SLC9A3: variants seen among roughly 807,000 people sequenced by gnomAD.
The protein encoded by SLC9A3 is solute carrier family 9 member A3.
A neutral mutation model predicts 86.8 loss-of-function variants in SLC9A3; 37 were observed. That is an observed-to-expected ratio of 0.43 (90% CI 0.33 to 0.56). The LOEUF (loss-of-function observed/expected upper bound fraction) is 0.56. Ranked by LOEUF, SLC9A3 falls within the 20% of genes least tolerant of loss-of-function variation. The pLI, the probability that SLC9A3 is intolerant of heterozygous loss-of-function variation, is 0.06. For synonymous variants in SLC9A3, 581 were observed against 528.3 expected (o/e 1.10, Z -1.37); for missense variants, 1,011 against 1,171.9 (o/e 0.86, Z 2.00).
rs112336580 is a variant in SLC9A3 at position 518,963 on chromosome 5, T to C, written c.211+5149A>G. ...TTCCCTGCCCCGATGCTATCAGCAC[T>C]TCCCAACCTTTGCCCCTTTCCTCAG... On this transcript the variant is annotated intron_variant, in intron 1 of 16. Transcript: ENST00000264938. Among the ~76,000 whole-genome samples the C allele has an allele frequency of 9.2e-5, 14 of 152,270 alleles. 2 individuals are homozygous for C. The highest frequency in any genetic ancestry group is 3.4e-4 in the African/African-American group (14 of 41,546).
chr5:515,366 A>G (rs1733699368), intron 1 of SLC9A3, among the ~76,000 whole-genome samples: 1 of 151,552 alleles, frequency 6.6e-6, no homozygotes, highest in South Asian at 2.1e-4. Flanking sequence ...CCCCTTGGGC[A>G]CCCTGGCTGC....
chr5:521,522 T>G (rs528624306), intron 1 of SLC9A3, among the ~76,000 whole-genome samples: 10 of 152,360 alleles, frequency 6.6e-5, no homozygotes, highest in African/African-American at 2.2e-4. Flanking sequence ...AACAAATGTT[T>G]GGAAAAGCAA....
chr5:489,962 C>T (rs1225495244), intron 2 of SLC9A3, among the ~76,000 whole-genome samples: 1 of 152,246 alleles, frequency 6.6e-6, no homozygotes, highest in East Asian at 1.9e-4. Flanking sequence ...GGCCTGTCCC[C>T]ACACTGCCCG....
intron 1 of SLC9A3, among the ~76,000 whole-genome samples, chr5:516,864 G>A (rs946082648): frequency 6.6e-6 from 1 of 152,330 alleles, no homozygotes; most frequent in Middle Eastern, 3.4e-3. Context: ...TAGGTGTGCT[G>A]CTCACTGGAG....
chr5:499,687 C>T (rs1340334279), intron 1 of SLC9A3, among the ~76,000 whole-genome samples: 2 of 152,384 alleles, frequency 1.3e-5, no homozygotes, highest in Admixed American at 6.5e-5. Context: ...CAACCAGTCA[C>T]TCCTGCTCCC....
At chr5:475,218 G>T (rs940292973) in intron 15 of SLC9A3, 86 bp from the exon 16 acceptor site, 10 of 1,414,530 alleles carry the variant, frequency 7.1e-6, no homozygotes, top group Non-Finnish European at 9.5e-6. Flanking sequence ...CCTGCTGGGT[G>T]CCTTGGAAAG....
At chr5:494,229 G>A (rs371527410) in intron 1 of SLC9A3, among the ~76,000 whole-genome samples, 24 of 152,362 alleles carry the variant, frequency 1.6e-4, no homozygotes, top group African/African-American at 5.0e-4. Context: ...CCTCAGCAGC[G>A]CCCTCCCCAG....
chr5:514,515 G>C (rs1733668359), intron 1 of SLC9A3, among the ~76,000 whole-genome samples: 1 of 152,246 alleles, frequency 6.6e-6, no homozygotes, highest in Non-Finnish European at 1.5e-5. Context: ...CCCTCAGGCA[G>C]TCCTGCCCAG....
At chr5:474,428 A>G (rs1738581842) in intron 16 of SLC9A3, among the ~76,000 whole-genome samples, 1 of 47,604 alleles carries the variant, frequency 2.1e-5, no homozygotes, top group East Asian at 4.7e-4. Context: ...TCCAGGGAGG[A>G]GAGAGACAGC....
At chr5:481,775 C>T in intron 8 of SLC9A3, 140 bp from the exon 9 acceptor site, 1 of 778,196 alleles carries the variant, frequency 1.3e-6, no homozygotes, top group East Asian at 2.5e-5. Context: ...CTCCTCTCCC[C>T]TCCTGGCCCA....
rs936178931 is a variant in SLC9A3, at chr5:472,551, T to C, written c.*828A>G. 3 of 347,834 alleles carry C rather than the reference T, an allele frequency of 8.6e-6. No individual in the cohort carries two copies. Among genetic ancestry groups the C allele is most frequent in the East Asian group, 1.8e-4 (2 of 10,870 alleles). The allele number at this position is 347,834 out of a possible 1,614,324, so 21.5% of individuals were successfully genotyped here. On this transcript the variant is annotated 3_prime_UTR_variant, in exon 17 of 17. Coordinates refer to ENST00000264938, the MANE Select transcript of SLC9A3 (RefSeq NM_004174.4). ...ACCTCGTCTGTGGGGACGGGCCGTG[T>C]CCGGGGCCGCCACCCTGAGACCGGG...
At chr5:480,704 C>T (rs2126614454) in intron 9 of SLC9A3, 1 of 152,392 alleles carries the variant, frequency 6.6e-6, no homozygotes, top group Admixed American at 6.5e-5. Context: ...TCACTGTGGC[C>T]ACGGAGAACC....
chr5:489,530 C>A (rs555716763), intron 2 of SLC9A3, among the ~76,000 whole-genome samples: 1 of 152,188 alleles, frequency 6.6e-6, no homozygotes, highest in Non-Finnish European at 1.5e-5. Flanking sequence ...GTCATCTCTG[C>A]GGTGACTAAA....
chr5:505,308 T>G (rs1431624369), intron 1 of SLC9A3, among the ~76,000 whole-genome samples: 1 of 13,756 alleles, frequency 7.3e-5, no homozygotes, highest in Non-Finnish European at 1.2e-4. Flanking sequence ...TGTAGGAGGG[T>G]GGGGAGTGAC....
rs748239297 is a variant in SLC9A3, at chr5:471,991, C to T, written c.*1388G>A. 4.4e-6 allele frequency: 2 copies of T among 456,526 alleles called. No individual in the cohort carries two copies. Among genetic ancestry groups the T allele is most frequent in the South Asian group, 1.5e-5 (1 of 64,582 alleles). The allele number at this position is 456,526 out of a possible 1,614,324, so 28.3% of individuals were successfully genotyped here. A position where few individuals can be genotyped will look rare whatever the true frequency, so the allele number is the denominator to read the frequency against. On this transcript the variant is annotated 3_prime_UTR_variant, in exon 17 of 17. Coordinates refer to ENST00000264938, the MANE Select transcript of SLC9A3 (RefSeq NM_004174.4). ...CTGAAACGTGAATAGTTTAATTTTC[C>T]TGAGCAAGGAGCTGCGAGTCTAGCT...
At chr5:490,948 C>T (rs1311542292) in intron 2 of SLC9A3, among the ~76,000 whole-genome samples, 3 of 152,238 alleles carry the variant, frequency 2.0e-5, no homozygotes, top group Non-Finnish European at 4.4e-5. Flanking sequence ...GCTCCTCTTT[C>T]TCCATGCGTC....
rs555342976 is a variant in SLC9A3 at position 508,628 on chromosome 5, G to C, written c.211+15484C>G. 4.7e-5 allele frequency among the ~76,000 whole-genome samples: 7 copies of C among 149,574 alleles called. No homozygotes were observed. In the East Asian group the frequency reaches 1.4e-3, roughly 30 times the overall value. ...CGCAGCCCATAGCGCGCCTGGGATGGAGATGCCGCGGGGAGACACAGCCCA... is the reference window on the plus strand; with the variant it reads ...CGCAGCCCATAGCGCGCCTGGGATGCAGATGCCGCGGGGAGACACAGCCCA... On this transcript the variant is annotated intron_variant, in intron 1 of 16. Transcript: ENST00000264938.
Position 497,486 on chromosome 5 carries a change from G to A in SLC9A3, c.212-5415C>T, listed in dbSNP as rs555537266. On this transcript the variant is annotated intron_variant, in intron 1 of 16. Coordinates refer to ENST00000264938, the MANE Select transcript of SLC9A3 (RefSeq NM_004174.4). The surrounding 1 kb of genome is among the most constrained non-coding windows in gnomAD (Gnocchi z 5.4). ...ACTGCTGTGAAGGACACAGTCAGCC[G>A]GACTTTGCTTAGTTCACCTGTCGGA... Among the ~76,000 whole-genome samples, 5 of 152,296 alleles carry A rather than the reference G, an allele frequency of 3.3e-5. No individual in the cohort carries two copies. Among genetic ancestry groups the A allele is most frequent in the African/African-American group, 9.6e-5 (4 of 41,566 alleles).
Position 482,174 on chromosome 5 carries a change from C to T in SLC9A3, c.1357-17G>A, listed in dbSNP as rs368405704. 2.5e-5 allele frequency: 40 copies of T among 1,591,098 alleles called. 2 individuals are homozygous for T. The highest frequency in any genetic ancestry group is 1.6e-4 in the South Asian group (14 of 90,200). On this transcript the variant is annotated splice_polypyrimidine_tract_variant and intron_variant, in intron 7 of 16. Coordinates refer to ENST00000264938, the MANE Select transcript of SLC9A3 (RefSeq NM_004174.4). The stretch of plus-strand genomic sequence containing the variant: ...GGTCAGGCCCTGGAGGACAGGGTCT[C>T]GTGACCCTGGTGCCAGGCAGCCCCC...
Sources: allele counts gnomAD v4.1 joint callset (sites outside exome capture counted in the v4.1 genomes callset), GRCh38; gene constraint gnomAD v4.1.1; non-coding constraint Gnocchi (gnomAD v3.1); transcripts MANE v1.5; gene names NCBI Gene and HGNC (gene_info 2026-07-23, HGNC 2026-07-21).